The following TNR variants were observed in gnomAD, a reference collection of about 807,000 sequenced individuals.
The protein encoded by TNR is tenascin-R.
Under a neutral mutation model 150.4 loss-of-function variants are expected in TNR, and 45 were observed. The ratio of observed to expected loss-of-function variants is 0.30; its 90% CI spans 0.24 to 0.38. TNR has a LOEUF of 0.38. TNR is among the 10% of genes least tolerant of loss of function. The probability of loss-of-function intolerance (pLI) is 1.00; values close to 1 mark genes in which losing one functional copy is unlikely to be tolerated. For synonymous variants in TNR, 687 were observed against 678.4 expected (o/e 1.01, Z -0.20); for missense variants, 1,544 against 1,759.1 (o/e 0.88, Z 2.19).
In TNR at chr1:175,603,711, C is replaced by T. The variant is rs193296651; in HGVS notation, c.-164-75342G>A. 1.5e-3 allele frequency among the ~76,000 whole-genome samples: 230 copies of T among 152,314 alleles called. 1 individual carries two copies. Among genetic ancestry groups the T allele is most frequent in the African/African-American group, 5.3e-3 (222 of 41,576 alleles). On this transcript the variant is annotated intron_variant, in intron 1 of 22. Coordinates refer to ENST00000367674, the MANE Select transcript of TNR (RefSeq NM_003285.3). ...CTCTAGGCTTAGCATCTGTGAGTGG[C>T]AAGGTATAGGTAACCCTCTCATCAA... is the stretch of plus-strand genomic sequence containing the variant.
chr1:175,556,535 G>C (rs916612117), intron 1 of TNR: 4 of 151,866 alleles, frequency 2.6e-5, no homozygotes, highest in Admixed American at 6.6e-5. Context: ...CTTCAAGCAG[G>C]ACCCCATTAT....
At position 175,591,968 on chromosome 1, in the gene TNR, T is replaced by A. The variant is rs566944354; in HGVS notation, c.-164-63599A>T. ...AGCCTGGGAATCTAAGTGACCAAGATAAACAGAGACTCCTGGTCACCTGCT... is the reference window on the plus strand; with the variant it reads ...AGCCTGGGAATCTAAGTGACCAAGAAAAACAGAGACTCCTGGTCACCTGCT... On this transcript the variant is annotated intron_variant, in intron 1 of 22. Coordinates refer to ENST00000367674, the MANE Select transcript of TNR (RefSeq NM_003285.3). Among the ~76,000 whole-genome samples, 33 of 152,336 alleles carry A rather than the reference T, an allele frequency of 2.2e-4. No individual in the cohort carries two copies. In the South Asian group the frequency reaches 6.6e-3, roughly 31 times the overall value.
chr1:175,553,812 G>GAACA (rs1268589129), intron 1 of TNR, among the ~76,000 whole-genome samples: 1 of 52,570 alleles, frequency 1.9e-5, no homozygotes, highest in African/African-American at 6.4e-5. Context: ...GCATATACAA[G>GAACA]AACAAACACA....
chr1:175,682,838 T>A (rs1666078228), intron 1 of TNR, among the ~76,000 whole-genome samples: 1 of 152,154 alleles, frequency 6.6e-6, no homozygotes, highest in African/African-American at 2.4e-5. Flanking sequence ...ACACGCACTC[T>A]ACATGGGTGC....
intron 2 of TNR, among the ~76,000 whole-genome samples, chr1:175,507,460 T>C (rs949308729): frequency 3.3e-5 from 5 of 152,144 alleles, no homozygotes; most frequent in African/African-American, 9.7e-5. Context: ...TTTGATATCA[T>C]CACCTGACGG....
At position 175,646,620 on chromosome 1, in the gene TNR, C is replaced by T. The variant is rs138570400; in HGVS notation, c.-165+96606G>A. On this transcript the variant is annotated intron_variant, in intron 1 of 22. Coordinates refer to ENST00000367674, the MANE Select transcript of TNR (RefSeq NM_003285.3). ...TCTGATCCAGAGATCATAGGCTGAC[C>T]ACCTACAGGCCAAATTGGGCCTGCA... Among the ~76,000 whole-genome samples, 296 of 152,248 alleles carry T rather than the reference C, an allele frequency of 1.9e-3. 2 individuals are homozygous for T. The highest frequency in any genetic ancestry group is 0.01 in the East Asian group (53 of 5,172).
At chr1:175,329,735 T>A (rs1024221307) in intron 21 of TNR, among the ~76,000 whole-genome samples, 1 of 152,220 alleles carries the variant, frequency 6.6e-6, no homozygotes, top group Non-Finnish European at 1.5e-5. Flanking sequence ...AAGAAAACAA[T>A]CCTTCTTCAT....
intron 1 of TNR, among the ~76,000 whole-genome samples, chr1:175,670,475 G>A (rs566958455): frequency 1.1e-4 from 17 of 152,218 alleles, no homozygotes; most frequent in Non-Finnish European, 1.5e-4. Context: ...AGAGAGTTTG[G>A]TAAGTAAGTT....
At chr1:175,518,399 C>T (rs1659499626) in intron 2 of TNR, among the ~76,000 whole-genome samples, 1 of 152,174 alleles carries the variant, frequency 6.6e-6, no homozygotes, top group African/African-American at 2.4e-5. Flanking sequence ...TCGATCCCAT[C>T]CCCATTCCTC....
intron 1 of TNR, among the ~76,000 whole-genome samples, chr1:175,539,699 G>A (rs1660427368): frequency 6.6e-6 from 1 of 152,212 alleles, no homozygotes; most frequent in African/African-American, 2.4e-5. Flanking sequence ...GGCATATCCT[G>A]AGGCCAGGCT....
chr1:175,713,315 T>A (rs532896870), intron 1 of TNR, among the ~76,000 whole-genome samples: 25 of 152,354 alleles, frequency 1.6e-4, no homozygotes, highest in African/African-American at 6.0e-4. Flanking sequence ...GCACAGCAGC[T>A]ACTTAATACC....
chr1:175,575,972 C>T (rs1052698960), intron 1 of TNR, among the ~76,000 whole-genome samples: 5 of 152,150 alleles, frequency 3.3e-5, no homozygotes, highest in Non-Finnish European at 5.9e-5. Context: ...CTAGGGGCTG[C>T]GATTCGAGAC....
At chr1:175,483,040 C>T (rs1189967302) in intron 2 of TNR, among the ~76,000 whole-genome samples, 2 of 152,234 alleles carry the variant, frequency 1.3e-5, no homozygotes, top group East Asian at 3.8e-4. Flanking sequence ...TGCAACTCAA[C>T]TCACTGGGGA....
Position 175,406,784 on chromosome 1 carries a change from C to A in TNR, c.-63-7G>T. ...AGCATGGAGTTGTGGGAATCTGCAA[C>A]GGAAACCAAGGAAAGAGACAACCTC... On this transcript the variant is annotated splice_region_variant and splice_polypyrimidine_tract_variant and intron_variant, in intron 2 of 22. Transcript: ENST00000367674. The A allele has an allele frequency of 6.4e-7, 1 of 1,561,968 alleles. No homozygotes were observed. Among genetic ancestry groups the A allele is most frequent in the Non-Finnish European group, 8.7e-7 (1 of 1,154,388 alleles).
chr1:175,435,041 G>A (rs368462688), intron 2 of TNR, among the ~76,000 whole-genome samples: 14 of 152,174 alleles, frequency 9.2e-5, no homozygotes, highest in African/African-American at 3.1e-4. Context: ...TAGACTGTGA[G>A]CTCCTTAAGG....
At chr1:175,716,134 C>A (rs1667150514) in intron 1 of TNR, among the ~76,000 whole-genome samples, 1 of 152,206 alleles carries the variant, frequency 6.6e-6, no homozygotes. Context: ...GCTTCCTAGA[C>A]CTAGGCTTTC....
At chr1:175,658,661 C>T (rs1046126791) in intron 1 of TNR, among the ~76,000 whole-genome samples, 1 of 152,200 alleles carries the variant, frequency 6.6e-6, no homozygotes, top group Non-Finnish European at 1.5e-5. Flanking sequence ...TCTCTTCTTC[C>T]AGTCATTTAT....
intron 14 of TNR, among the ~76,000 whole-genome samples, chr1:175,360,553 G>C (rs11806798): frequency 0.026 from 3,953 of 152,248 alleles, 171 homozygotes; most frequent in African/African-American, 0.089. Context: ...ATCACAAGTG[G>C]ATGTTATTAC....
At chr1:175,593,771 C>A (rs1662899564) in intron 1 of TNR, among the ~76,000 whole-genome samples, 1 of 152,128 alleles carries the variant, frequency 6.6e-6, no homozygotes, top group Admixed American at 6.5e-5. Context: ...TTCTGCCTGG[C>A]AAGTAGGGCC....
Sources: gnomAD v4.1 joint callset for allele counts (sites outside exome capture counted in the v4.1 genomes callset) on GRCh38, gnomAD v4.1.1 for gene constraint, MANE v1.5 for transcripts, NCBI Gene and HGNC (gene_info 2026-07-23, HGNC 2026-07-21) for gene names.